Variants in HPSE2 observed in about 807,000 individuals in gnomAD.
HPSE2 encodes the protein inactive heparanase-2.
A neutral mutation model predicts 60.5 loss-of-function variants in HPSE2; 38 were observed. The observed-to-expected ratio is 0.63, with a 90% confidence interval of 0.48 to 0.82. The LOEUF is 0.82. Ranked by LOEUF, HPSE2 falls within the 40% of genes least tolerant of loss-of-function variation. The pLI is 0.00. For missense variants in HPSE2, 713 were observed against 740.4 expected (o/e 0.96, Z 0.43); for synonymous variants, 295 against 293.2 (o/e 1.01, Z -0.06).
the HPSE2 span, among the ~76,000 whole-genome samples, chr10:99,265,155 G>A: frequency 5.3e-5 from 8 of 152,100 alleles, no homozygotes; most frequent in Admixed American, 5.2e-4. Context: ...CACCCTAACT[G>A]ACACGATATA....
intron 11 of HPSE2, among the ~76,000 whole-genome samples, chr10:98,470,779 G>T (rs114592732): frequency 6.6e-6 from 1 of 152,176 alleles, no homozygotes; most frequent in Admixed American, 6.5e-5. Flanking sequence ...TACAACGAGG[G>T]TCCCTAAGTG....
At chr10:98,989,519 A>C (rs1338644941) in intron 3 of HPSE2, among the ~76,000 whole-genome samples, 1 of 148,380 alleles carries the variant, frequency 6.7e-6, no homozygotes, top group East Asian at 2.0e-4. Flanking sequence ...GGGGGGAGGG[A>C]TAGCATTAGG....
At chr10:98,463,943 C>G (rs1262500241) in intron 11 of HPSE2, among the ~76,000 whole-genome samples, 3 of 151,658 alleles carry the variant, frequency 2.0e-5, no homozygotes, top group Admixed American at 6.6e-5. Context: ...ATGGTGAAAC[C>G]CTGTCTCTAC....
chr10:98,586,366 G>T (rs954794530), intron 9 of HPSE2, among the ~76,000 whole-genome samples: 1 of 152,074 alleles, frequency 6.6e-6, no homozygotes. Context: ...ATTCTTTTCA[G>T]CCAGGCATTC....
chr10:98,997,558 G>T (rs1250738571), intron 3 of HPSE2, among the ~76,000 whole-genome samples: 1 of 152,174 alleles, frequency 6.6e-6, no homozygotes, highest in African/African-American at 2.4e-5. Context: ...GTAAACAGGA[G>T]ACTGAAGGGA....
chr10:99,178,759 A>T lies in HPSE2; in HGVS notation c.449-34360T>A, dbSNP rs1847636877. 2.0e-5 allele frequency among the ~76,000 whole-genome samples: 3 copies of T among 152,186 alleles called. No individual in the cohort carries two copies. The South Asian group carries it at 6.2e-4, about 32-fold the overall frequency. On this transcript the variant is annotated intron_variant, in intron 2 of 11. Transcript: ENST00000370552. ...ACAGAAAAAGAGGGAATCCTCCCTA[A>T]CTCATTTTATGAGCCCAACATCATT...
intron 3 of HPSE2, among the ~76,000 whole-genome samples, chr10:98,993,747 A>T (rs1956580271): frequency 6.6e-6 from 1 of 152,078 alleles, no homozygotes; most frequent in East Asian, 1.9e-4. Context: ...TTCATGCATC[A>T]CTTCCAATCT....
chr10:99,183,715 C>T (rs370011320), intron 2 of HPSE2, among the ~76,000 whole-genome samples: 80 of 152,160 alleles, frequency 5.3e-4, no homozygotes, highest in South Asian at 2.1e-3. Flanking sequence ...GCCTTCTGTG[C>T]GGCAAGCAGC....
chr10:98,887,727 G>T (rs970701825), intron 3 of HPSE2, among the ~76,000 whole-genome samples: 1 of 152,052 alleles, frequency 6.6e-6, no homozygotes, highest in Non-Finnish European at 1.5e-5. Context: ...AAAAATAAGA[G>T]AAGTTGCATG....
chr10:98,898,125 G>T (rs1440238814), intron 3 of HPSE2, among the ~76,000 whole-genome samples: 1 of 152,066 alleles, frequency 6.6e-6, no homozygotes, highest in Non-Finnish European at 1.5e-5. Context: ...TTAAGGTATT[G>T]CAAATCAAAT....
At chr10:99,102,827 C>T (rs2135649006) in intron 3 of HPSE2, among the ~76,000 whole-genome samples, 1 of 152,276 alleles carries the variant, frequency 6.6e-6, no homozygotes, top group East Asian at 1.9e-4. Flanking sequence ...GCTGGTTCAA[C>T]ATATGCAAAT....
chr10:99,187,533 A>T (rs980856051), intron 2 of HPSE2, among the ~76,000 whole-genome samples: 2 of 152,220 alleles, frequency 1.3e-5, no homozygotes, highest in Non-Finnish European at 2.9e-5. Flanking sequence ...ATATATAAAA[A>T]CACAGTTCAA....
At chr10:98,593,454 T>C (rs942785107) in intron 9 of HPSE2, among the ~76,000 whole-genome samples, 20 of 152,188 alleles carry the variant, frequency 1.3e-4, no homozygotes, top group African/African-American at 4.8e-4. Context: ...GAAGGTTTTT[T>C]TTTTTAAATA....
At chr10:99,178,014 A>G (rs1293523764) in intron 2 of HPSE2, among the ~76,000 whole-genome samples, 1 of 152,072 alleles carries the variant, frequency 6.6e-6, no homozygotes, top group African/African-American at 2.4e-5. Flanking sequence ...CTGCTCCTGA[A>G]TGACTACTGG....
intron 2 of HPSE2, among the ~76,000 whole-genome samples, chr10:99,213,685 C>T (rs2133914111): frequency 1.3e-5 from 2 of 151,962 alleles, no homozygotes; most frequent in Admixed American, 1.3e-4. Context: ...GAATTATGCA[C>T]CAAGTCAAAC....
At chr10:98,730,251 C>T (rs1949195132) in intron 4 of HPSE2, among the ~76,000 whole-genome samples, 1 of 151,350 alleles carries the variant, frequency 6.6e-6, no homozygotes. Flanking sequence ...GAAGAAATCA[C>T]AAGGAAATAA....
chr10:99,025,832 A>G (rs999959488), intron 3 of HPSE2, among the ~76,000 whole-genome samples: 2 of 152,068 alleles, frequency 1.3e-5, no homozygotes, highest in Admixed American at 1.3e-4. Context: ...TGTGACATGT[A>G]TTTACCTATG....
intron 9 of HPSE2, among the ~76,000 whole-genome samples, chr10:98,558,142 A>G (rs899800857): frequency 3.3e-5 from 5 of 152,322 alleles, no homozygotes; most frequent in African/African-American, 1.2e-4. Context: ...AAGTGTTGAC[A>G]AGGCTGTGGA....
chr10:98,902,389 A>G (rs1384484989), intron 3 of HPSE2, among the ~76,000 whole-genome samples: 2 of 152,158 alleles, frequency 1.3e-5, no homozygotes, highest in Non-Finnish European at 2.9e-5. Context: ...TCTATGTACA[A>G]TAAGCATGAG....
Sources: gnomAD v4.1 joint callset for allele counts (sites outside exome capture counted in the v4.1 genomes callset) on GRCh38, gnomAD v4.1.1 for gene constraint, MANE v1.5 for transcripts, NCBI Gene and HGNC (gene_info 2026-07-23, HGNC 2026-07-21) for gene names.